The following AFDN variants were observed in gnomAD, a reference collection of about 807,000 sequenced individuals.
The protein encoded by AFDN is afadin.
Under a neutral mutation model 216.6 loss-of-function variants are expected in AFDN, and 68 were observed. The observed-to-expected ratio is 0.31, with a 90% CI of 0.26 to 0.38. AFDN has a LOEUF of 0.38. Ranked by LOEUF, AFDN falls within the 10% of genes least tolerant of loss-of-function variation. The pLI is 1.00. For missense variants in AFDN, 2,136 were observed against 2,342.0 expected, an observed-to-expected ratio of 0.91 and a Z score of 1.82; for synonymous variants, 868 against 853.7, an observed-to-expected ratio of 1.02 and a Z score of -0.29.
chr6:167,965,896 C>T lies in AFDN; in HGVS notation c.5108C>T (p.Ser1703Phe). 6.5e-7 allele frequency: 1 copy of T among 1,548,146 alleles called. No individual in the cohort carries two copies. The highest frequency in any genetic ancestry group is 2.0e-5 in the Admixed American group (1 of 50,968). The stretch of plus-strand genomic sequence containing the variant: ...CTTCCCCGGGACTACGAGCCCCCGT[C>T]CCCGTCCCCCGCGCCCGGCGCCCCT... ...PPLPRDYEPP[S>F]PSPAPGAPPP... is the part of the protein sequence containing the mutation. The change falls in exon 32 of 34, where the codon TCC (serine) becomes TTC (phenylalanine). Residue 1703 changes from serine (S) to phenylalanine (F), a missense_variant. Physicochemically the swap from Ser to Phe is radical, Grantham distance 155 (BLOSUM62 -2). This residue lies in a region of AFDN where 981 missense variants were observed against 966.0 expected (regional missense o/e 1.02). Coordinates refer to ENST00000683244, the MANE Select transcript of AFDN (RefSeq NM_001386888.1).
intron 9 of AFDN, among the ~76,000 whole-genome samples, chr6:167,895,019 G>T (rs1361727129): frequency 1.3e-5 from 2 of 151,864 alleles, no homozygotes; most frequent in African/African-American, 2.4e-5. Flanking sequence ...ATTGCATTCA[G>T]TTTTCTTTAT....
chr6:167,918,984 G>T, intron 21 of AFDN, 51 bp downstream of exon 21: 2 of 1,493,478 alleles, frequency 1.3e-6, no homozygotes, highest in Non-Finnish European at 9.2e-7. Flanking sequence ...GTTGAAGCGA[G>T]CATTTTATTC....
intron 6 of AFDN, among the ~76,000 whole-genome samples, chr6:167,884,309 T>G (rs1786510388): frequency 6.6e-6 from 1 of 152,210 alleles, no homozygotes; most frequent in South Asian, 2.1e-4. Flanking sequence ...TTTTTCCTTA[T>G]CCCGTGAATC....
intron 32 of AFDN, among the ~76,000 whole-genome samples, chr6:167,967,777 G>A (rs375409338): frequency 2.6e-5 from 4 of 152,186 alleles, no homozygotes; most frequent in Admixed American, 1.3e-4. Context: ...CGTCTGCACC[G>A]TGTGCAGAGC....
At chr6:167,828,132 C>G (rs1435244594) in intron 1 of AFDN, among the ~76,000 whole-genome samples, 3 of 152,104 alleles carry the variant, frequency 2.0e-5, no homozygotes, top group Non-Finnish European at 4.4e-5. Flanking sequence ...ACTTTACCAG[C>G]ATAAAAAAAT....
chr6:167,969,741 C>G (rs1440281442), intron 33 of AFDN, 41 bp from the exon 34 acceptor site: 2 of 1,560,572 alleles, frequency 1.3e-6, no homozygotes, highest in Non-Finnish European at 1.7e-6. Flanking sequence ...CAGGTTGTTT[C>G]TAGTTTGTCC....
At chr6:167,841,493 A>G (rs1338883663) in intron 1 of AFDN, among the ~76,000 whole-genome samples, 1 of 149,968 alleles carries the variant, frequency 6.7e-6, no homozygotes. Flanking sequence ...CCAATACAGG[A>G]AAAAAAAAAT....
intron 1 of AFDN, among the ~76,000 whole-genome samples, chr6:167,845,341 C>T (rs1033992411): frequency 2.6e-5 from 4 of 152,046 alleles, no homozygotes; most frequent in Non-Finnish European, 2.9e-5. Context: ...TTTTGGTCTT[C>T]TGATTTTATG....
intron 26 of AFDN, among the ~76,000 whole-genome samples, chr6:167,946,214 G>T (rs1013104670): frequency 8.5e-5 from 13 of 152,218 alleles, no homozygotes; most frequent in Non-Finnish European, 1.9e-4. Flanking sequence ...TAGAATGTGA[G>T]TTAGAAATCA....
intron 2 of AFDN, among the ~76,000 whole-genome samples, chr6:167,865,952 CT>C (rs950607457): frequency 4.6e-5 from 7 of 152,010 alleles, no homozygotes; most frequent in African/African-American, 1.7e-4. Flanking sequence ...TGTTTGTTTA[CT>C]TTTTTTCTTA....
At chr6:167,925,184 AC>A (rs1171822163) in intron 23 of AFDN, 93 bp downstream of exon 23, 3 of 867,684 alleles carry the variant, frequency 3.5e-6, no homozygotes, top group African/African-American at 3.3e-5. Flanking sequence ...GTACTTTACC[AC>A]CTGTGTATAA....
intron 7 of AFDN, 122 bp downstream of exon 7, chr6:167,889,448 T>C (rs1050089144): frequency 1.9e-5 from 13 of 690,794 alleles, no homozygotes; most frequent in Admixed American, 5.1e-5. Flanking sequence ...GTTGTTGTTG[T>C]TGTTGAGACA....
intron 1 of AFDN, among the ~76,000 whole-genome samples, chr6:167,839,775 A>G (rs139607704): frequency 1.1e-4 from 17 of 152,322 alleles, no homozygotes; most frequent in South Asian, 1.0e-3. Flanking sequence ...CTCCCATTTC[A>G]GTATGGGAGA....
intron 27 of AFDN, among the ~76,000 whole-genome samples, chr6:167,947,429 T>C (rs537097814): frequency 6.6e-6 from 1 of 152,316 alleles, no homozygotes; most frequent in South Asian, 2.1e-4. Context: ...TCTGCCCGCC[T>C]TGGCCTCCCA....
intron 32 of AFDN, 105 bp from the exon 33 acceptor site, chr6:167,969,009 C>A: frequency 1.2e-6 from 1 of 866,292 alleles, no homozygotes; most frequent in Non-Finnish European, 1.9e-6. Flanking sequence ...TTCCTACTTA[C>A]TCAGTAAAGG....
intron 2 of AFDN, among the ~76,000 whole-genome samples, chr6:167,865,549 G>A (rs1784082082): frequency 6.6e-6 from 1 of 152,162 alleles, no homozygotes; most frequent in African/African-American, 2.4e-5. Context: ...GGAGTTTGAG[G>A]CTTCAGTGAG....
intron 1 of AFDN, among the ~76,000 whole-genome samples, chr6:167,840,617 A>G (rs1780958016): frequency 6.6e-6 from 1 of 152,216 alleles, no homozygotes; most frequent in Non-Finnish European, 1.5e-5. Flanking sequence ...GTAAGCTGCT[A>G]AGATCTTGGG....
At chr6:167,847,441 T>C (rs1193029467) in intron 1 of AFDN, among the ~76,000 whole-genome samples, 2 of 152,148 alleles carry the variant, frequency 1.3e-5, no homozygotes, top group Non-Finnish European at 2.9e-5. Context: ...AACTAAACTC[T>C]GATTTCCCAC....
In AFDN at chr6:167,864,708, C is replaced by G. The variant is rs745996540; in HGVS notation, c.263C>G (p.Ser88Cys). 3.7e-6 allele frequency: 6 copies of G among 1,614,192 alleles called. No individual in the cohort carries two copies. The South Asian group carries it at 4.4e-5, about 12-fold the overall frequency. Residue 88 changes from serine (S) to cysteine (C), a missense_variant, in exon 2 of 34, where the codon TCT becomes TGT. Coordinates refer to ENST00000683244, the MANE Select transcript of AFDN (RefSeq NM_001386888.1). ...KFRPDMRMLS[S>C]PKYSLYEVHV... ...CGACCTGATATGCGAATGCTGTCCTCTCCCAAGTATTCACTCTATGAAGTG... is the reference window on the plus strand; with the variant it reads ...CGACCTGATATGCGAATGCTGTCCTGTCCCAAGTATTCACTCTATGAAGTG...
Sources: allele counts gnomAD v4.1 joint callset (sites outside exome capture counted in the v4.1 genomes callset), GRCh38; gene constraint gnomAD v4.1.1; regional missense constraint gnomAD v4.1.1; transcripts MANE v1.5; gene names NCBI Gene and HGNC (gene_info 2026-07-23, HGNC 2026-07-21).